The following CUEDC1 variants were observed in gnomAD, a reference collection of about 807,000 sequenced individuals.
CUEDC1 encodes the protein CUE domain containing 1, also known as CUE domain-containing protein 1.
In CUEDC1, 30 loss-of-function variants were observed where a neutral mutation model predicts 43.7. The ratio of observed to expected loss-of-function variants is 0.69; its 90% CI spans 0.51 to 0.93. The LOEUF (loss-of-function observed/expected upper bound fraction) is 0.93. CUEDC1 is among the 40% of genes least tolerant of loss of function. The pLI is 0.00. For synonymous variants in CUEDC1, 223 were observed against 223.6 expected (o/e 1.00, Z 0.02); for missense variants, 486 against 549.0 (o/e 0.89, Z 1.15).
At chr17:57,886,817 G>GTTTTTTT (rs777598269) in intron 1 of CUEDC1, among the ~76,000 whole-genome samples, 2 of 118,500 alleles carry the variant, frequency 1.7e-5, no homozygotes, top group Non-Finnish European at 3.5e-5. Context: ...AATTCTGGTT[G>GTTTTTTT]TTTTTTTTTT....
At chr17:57,919,926 G>A (rs1037917077) in intron 1 of CUEDC1, among the ~76,000 whole-genome samples, 33 of 152,214 alleles carry the variant, frequency 2.2e-4, no homozygotes, top group African/African-American at 7.5e-4. Flanking sequence ...ACAAATTGAT[G>A]GTATTTGTCT....
At chr17:57,912,885 C>CTG (rs2074599233) in intron 1 of CUEDC1, among the ~76,000 whole-genome samples, 2 of 152,104 alleles carry the variant, frequency 1.3e-5, no homozygotes, top group African/African-American at 4.8e-5. Flanking sequence ...GTCACCTAGG[C>CTG]TGTATGTAGT....
intron 4 of CUEDC1, among the ~76,000 whole-genome samples, chr17:57,873,062 A>G (rs2074058132): frequency 6.6e-6 from 1 of 152,182 alleles, no homozygotes; most frequent in African/African-American, 2.4e-5. Flanking sequence ...AGTAGCCTAA[A>G]AACTATTTTT....
At chr17:57,912,694 G>A (rs2074596577) in intron 1 of CUEDC1, among the ~76,000 whole-genome samples, 1 of 152,204 alleles carries the variant, frequency 6.6e-6, no homozygotes, top group South Asian at 2.1e-4. Context: ...CAATAATAAC[G>A]CCACTGTGTA....
intron 1 of CUEDC1, among the ~76,000 whole-genome samples, chr17:57,899,586 A>G (rs1209585856): frequency 6.6e-6 from 1 of 152,136 alleles, no homozygotes; most frequent in African/African-American, 2.4e-5. Flanking sequence ...AGCACATGCC[A>G]GCACACAGCT....
At chr17:57,949,564 CTTTTT>C (rs1194743025) in intron 1 of CUEDC1, among the ~76,000 whole-genome samples, 2 of 79,920 alleles carry the variant, frequency 2.5e-5, no homozygotes, top group African/African-American at 6.5e-5. Flanking sequence ...CTCTGACATA[CTTTTT>C]TTTTTTTTTT....
chr17:57,944,302 C>A (rs1008365814), intron 1 of CUEDC1, among the ~76,000 whole-genome samples: 1 of 151,112 alleles, frequency 6.6e-6, no homozygotes, highest in Non-Finnish European at 1.5e-5. Context: ...CCTCTGCCTC[C>A]CAGGTTCAAG....
chr17:57,885,474 G>C lies in CUEDC1; in HGVS notation c.91C>G (p.Gln31Glu). ...RGGGGGTAAP[Q>E]ELNNSRPARQ... ...GCAGGCCGGCTGTTGTTGAGCTCCT[G>C]GGGGGCGGCCGTGCCTCCCCCGCCC... The change falls in exon 2 of 11, where the codon CAG becomes GAG. Residue 31 changes from glutamine (Q) to glutamate (E), a missense_variant. Transcript: ENST00000577830. 1 of 1,576,588 alleles carries C rather than the reference G, an allele frequency of 6.3e-7. No homozygotes were observed. Among genetic ancestry groups the C allele is most frequent in the Non-Finnish European group, 8.6e-7 (1 of 1,165,660 alleles).
intron 1 of CUEDC1, among the ~76,000 whole-genome samples, chr17:57,941,022 G>T (rs2074912375): frequency 6.6e-6 from 1 of 152,158 alleles, no homozygotes; most frequent in Non-Finnish European, 1.5e-5. Flanking sequence ...CACACCCAAG[G>T]CTCTACCAAC....
chr17:57,870,283 CA>C (rs950699935), intron 6 of CUEDC1, among the ~76,000 whole-genome samples: 15 of 152,354 alleles, frequency 9.8e-5, no homozygotes, highest in Admixed American at 7.2e-4. Context: ...CTGCGCATCC[CA>C]GGAGCACTGC....
At chr17:57,911,350 T>A (rs1265249880) in intron 1 of CUEDC1, among the ~76,000 whole-genome samples, 1 of 152,166 alleles carries the variant, frequency 6.6e-6, no homozygotes, top group Non-Finnish European at 1.5e-5. Context: ...AATATTGATC[T>A]CTCTCTTCCC....
chr17:57,927,746 A>G (rs772884356), intron 1 of CUEDC1, among the ~76,000 whole-genome samples: 11 of 152,272 alleles, frequency 7.2e-5, no homozygotes, highest in Non-Finnish European at 1.5e-4. Flanking sequence ...AAGACAGTGC[A>G]AGTTCTTGCT....
chr17:57,943,933 C>T (rs2074937786), intron 1 of CUEDC1, among the ~76,000 whole-genome samples: 1 of 152,282 alleles, frequency 6.6e-6, no homozygotes, highest in East Asian at 1.9e-4. Flanking sequence ...GAATAAGAAT[C>T]CTAACGCTAC....
At chr17:57,867,668 T>C in intron 8 of CUEDC1, 1 of 573,972 alleles carries the variant, frequency 1.7e-6, no homozygotes, top group Non-Finnish European at 3.1e-6. Flanking sequence ...TCCCTCTGGC[T>C]GCTGAGCCTC....
At chr17:57,908,080 G>A (rs1169843149) in intron 1 of CUEDC1, among the ~76,000 whole-genome samples, 1 of 151,668 alleles carries the variant, frequency 6.6e-6, no homozygotes, top group Non-Finnish European at 1.5e-5. Flanking sequence ...TTTTTGAGAC[G>A]AAATCTCGCT....
chr17:57,886,435 G>A (rs997328489), intron 1 of CUEDC1, among the ~76,000 whole-genome samples: 7 of 152,180 alleles, frequency 4.6e-5, no homozygotes, highest in African/African-American at 1.7e-4. Flanking sequence ...GAGCTCCATC[G>A]AACCCCGGGG....
intron 1 of CUEDC1, among the ~76,000 whole-genome samples, chr17:57,895,262 C>T (rs2074396850): frequency 6.6e-6 from 1 of 152,144 alleles, no homozygotes. Context: ...CCAGAAGGTC[C>T]GATTCCAGAT....
intron 1 of CUEDC1, among the ~76,000 whole-genome samples, chr17:57,939,097 AGCTG>A (rs1202402408): frequency 1.3e-5 from 2 of 150,594 alleles, no homozygotes; most frequent in African/African-American, 4.9e-5. Flanking sequence ...CCTCCAGAGT[AGCTG>A]GGACTACAGG....
At chr17:57,937,201 A>G (rs2074870887) in intron 1 of CUEDC1, among the ~76,000 whole-genome samples, 1 of 152,172 alleles carries the variant, frequency 6.6e-6, no homozygotes, top group African/African-American at 2.4e-5. Context: ...TAATAATATT[A>G]GTTAACATTT....
Sources: allele counts gnomAD v4.1 joint callset (sites outside exome capture counted in the v4.1 genomes callset), GRCh38; gene constraint gnomAD v4.1.1; transcripts MANE v1.5; gene names NCBI Gene and HGNC (gene_info 2026-07-23, HGNC 2026-07-21).